The following WASHC3 variants were observed in gnomAD, a reference collection of about 807,000 sequenced individuals.
WASHC3 encodes WASH complex subunit CCDC53.
WASHC3 carries 24 observed loss-of-function variants against 26.1 expected under a neutral mutation model. The ratio of observed to expected loss-of-function variants is 0.92; its 90% CI spans 0.66 to 1.29. The LOEUF is 1.29. Ranked by LOEUF, WASHC3 falls within the 50% of genes most tolerant of loss-of-function variation. The pLI is 0.00. For missense variants in WASHC3, 214 were observed against 229.6 expected, an observed-to-expected ratio of 0.93 and a Z score of 0.44; for synonymous variants, 77 against 75.7, an observed-to-expected ratio of 1.02 and a Z score of -0.09.
chr12:102,014,785 A>C (rs1400545935), intron 6 of WASHC3, among the ~76,000 whole-genome samples: 1 of 152,156 alleles, frequency 6.6e-6, no homozygotes, highest in Non-Finnish European at 1.5e-5. Context: ...CTCCCTTTTC[A>C]TTAGAAGCAA....
At chr12:102,031,227 C>T (rs982774607) in intron 5 of WASHC3, among the ~76,000 whole-genome samples, 2 of 152,252 alleles carry the variant, frequency 1.3e-5, no homozygotes, top group East Asian at 1.9e-4. Context: ...TTCTCTAGGT[C>T]CTCTGTATAC....
intron 5 of WASHC3, among the ~76,000 whole-genome samples, chr12:102,035,001 C>T (rs1594358464): frequency 6.6e-6 from 1 of 151,976 alleles, no homozygotes; most frequent in African/African-American, 2.4e-5. Context: ...AATTCTTGAA[C>T]ATGAGATAAA....
In WASHC3 at chr12:102,025,983, T is replaced by G; in HGVS notation, c.491A>C (p.Asp164Ala). ...TAGAAGAATTACTTACTCAAGAAGA[T>G]CTGGGTCTAGTCCTTCTGATATCAT... ...NKMISEGLDP[D>A]LLERPDAPVP... The change falls in exon 6 of 7, where the codon GAT becomes GCT. Residue 164 changes from aspartate (D) to alanine (A), a missense_variant. Asp to Ala is a moderately radical substitution (Grantham distance 126). Coordinates refer to ENST00000240079, the MANE Select transcript of WASHC3 (RefSeq NM_016053.4). The G allele has an allele frequency of 6.7e-7, 1 of 1,497,038 alleles. No homozygotes were observed. Among genetic ancestry groups the G allele is most frequent in the Non-Finnish European group, 9.1e-7 (1 of 1,092,936 alleles). 92.7% of individuals were successfully genotyped at this position (1,497,038 alleles called of 1,614,324 possible).
chr12:102,049,610 T>C (rs748143793), intron 2 of WASHC3, among the ~76,000 whole-genome samples: 1 of 152,156 alleles, frequency 6.6e-6, no homozygotes, highest in African/African-American at 2.4e-5. Flanking sequence ...ACTAGTTGAA[T>C]ATGGAAACAA....
intron 4 of WASHC3, among the ~76,000 whole-genome samples, chr12:102,041,267 A>G (rs1877927569): frequency 6.6e-6 from 1 of 152,022 alleles, no homozygotes; most frequent in Admixed American, 6.5e-5. Context: ...AAATGGTGCA[A>G]ATGAACTACA....
At chr12:102,042,877 C>T (rs1229777538) in intron 4 of WASHC3, among the ~76,000 whole-genome samples, 1 of 152,098 alleles carries the variant, frequency 6.6e-6, no homozygotes, top group African/African-American at 2.4e-5. Context: ...GATTTTAATA[C>T]CTCGCTGAGA....
intron 5 of WASHC3, among the ~76,000 whole-genome samples, chr12:102,031,202 T>C (rs1247729188): frequency 6.6e-6 from 1 of 152,228 alleles, no homozygotes; most frequent in African/African-American, 2.4e-5. Flanking sequence ...GTCAAAAGTA[T>C]GACAAAAGTT....
At chr12:102,059,819 T>C (rs1446774296) in intron 2 of WASHC3, 1 of 152,210 alleles carries the variant, frequency 6.6e-6, no homozygotes, top group Non-Finnish European at 1.5e-5. Flanking sequence ...GGTGAAAACC[T>C]TGGCTTACTG....
chr12:102,050,384 G>A (rs545131061), intron 2 of WASHC3: 11 of 419,190 alleles, frequency 2.6e-5, no homozygotes, highest in African/African-American at 1.8e-4. Context: ...TTGGGAGGCC[G>A]AGGCCGAGGG....
chr12:102,017,766 T>G (rs1565810007), intron 6 of WASHC3: 1 of 435,738 alleles, frequency 2.3e-6, no homozygotes, highest in Non-Finnish European at 4.5e-6. Context: ...CAGCAACACT[T>G]GTTATTGTCT....
At chr12:102,037,000 T>G (rs945193418) in intron 5 of WASHC3, among the ~76,000 whole-genome samples, 18 of 152,232 alleles carry the variant, frequency 1.2e-4, no homozygotes, top group Non-Finnish European at 1.0e-4. Context: ...TATTAAGATA[T>G]AGTTTAAAAA....
chr12:102,043,237 G>T (rs1878012890), intron 4 of WASHC3, among the ~76,000 whole-genome samples: 1 of 152,134 alleles, frequency 6.6e-6, no homozygotes, highest in South Asian at 2.1e-4. Context: ...AGTAACAAGG[G>T]GTTAGACAAT....
intron 6 of WASHC3, among the ~76,000 whole-genome samples, chr12:102,018,412 T>A (rs1034818083): frequency 2.0e-5 from 3 of 152,230 alleles, no homozygotes; most frequent in Non-Finnish European, 2.9e-5. Context: ...TCATTTTATA[T>A]TCCCACCAAC....
intron 4 of WASHC3, among the ~76,000 whole-genome samples, chr12:102,042,629 T>C (rs1877985911): frequency 1.3e-5 from 2 of 152,200 alleles, no homozygotes; most frequent in African/African-American, 4.8e-5. Flanking sequence ...TATAGGGCTG[T>C]TGTAAAGATT....
chr12:102,041,550 T>C (rs1243803630), intron 4 of WASHC3, among the ~76,000 whole-genome samples: 2 of 152,024 alleles, frequency 1.3e-5, no homozygotes, highest in Admixed American at 6.5e-5. Context: ...ATGTATAGAT[T>C]AGAGAGAGTG....
chr12:102,048,860 C>G (rs1878274094), intron 2 of WASHC3, among the ~76,000 whole-genome samples: 1 of 152,108 alleles, frequency 6.6e-6, no homozygotes, highest in Non-Finnish European at 1.5e-5. Context: ...ACTAGACTGT[C>G]AAAGGGTCCA....
chr12:102,050,702 C>A, intron 2 of WASHC3: 1 of 407,960 alleles, frequency 2.5e-6, no homozygotes, highest in South Asian at 1.8e-5. Flanking sequence ...CAAAGTAACA[C>A]ATTTGGCACT....
chr12:102,038,715 C>T (rs1050667190), intron 5 of WASHC3, among the ~76,000 whole-genome samples: 25 of 151,882 alleles, frequency 1.6e-4, no homozygotes, highest in Admixed American at 9.8e-4. Context: ...CTAAATTGAC[C>T]GCCAATATCC....
intron 6 of WASHC3, among the ~76,000 whole-genome samples, chr12:102,021,541 T>G (rs1876958623): frequency 6.6e-6 from 1 of 152,198 alleles, no homozygotes; most frequent in Non-Finnish European, 1.5e-5. Flanking sequence ...CAATTACAAT[T>G]TTTTGATATG....
Sources: allele counts gnomAD v4.1 joint callset (sites outside exome capture counted in the v4.1 genomes callset), GRCh38; gene constraint gnomAD v4.1.1; transcripts MANE v1.5; gene names NCBI Gene and HGNC (gene_info 2026-07-23, HGNC 2026-07-21).